RBBP5: variants seen among roughly 807,000 people sequenced by gnomAD.
RBBP5 encodes RB binding protein 5, histone lysine methyltransferase complex subunit.
In RBBP5, 5 loss-of-function variants were observed where a neutral mutation model predicts 72.2. That is an observed-to-expected ratio of 0.07 (90% CI 0.04 to 0.15). RBBP5 has a LOEUF of 0.15. RBBP5 is among the 10% of genes least tolerant of loss of function. RBBP5 has a pLI of 1.00. For missense variants in RBBP5, 322 were observed against 652.2 expected (o/e 0.49, Z 5.51); for synonymous variants, 209 against 237.2 (o/e 0.88, Z 1.09).
Position 205,099,390 on chromosome 1 carries a change from A to C in RBBP5, c.979-284T>G, listed in dbSNP as rs1052220204. Among the ~76,000 whole-genome samples the C allele has an allele frequency of 6.6e-6, 1 of 152,206 alleles. No homozygotes were observed. The highest frequency in any genetic ancestry group is 1.5e-5 in the Non-Finnish European group (1 of 68,042). ...AAATGTTAAATTTTCTTGTAAGTACACTGATTACAAACATAATTTAAAGGT... is the reference window on the plus strand; with the variant it reads ...AAATGTTAAATTTTCTTGTAAGTACCCTGATTACAAACATAATTTAAAGGT... On this transcript the variant is annotated intron_variant, in intron 9 of 13. Transcript: ENST00000264515. This position sits in a 1 kb window ranked among gnomAD's most constrained non-coding sequence, Gnocchi z 4.7.
At chr1:205,092,239 G>T (rs187122540) in intron 13 of RBBP5, among the ~76,000 whole-genome samples, 1 of 152,176 alleles carries the variant, frequency 6.6e-6, no homozygotes, top group African/African-American at 2.4e-5. Flanking sequence ...GGTCAATAAA[G>T]CCAGATGTAA....
In RBBP5 at chr1:205,101,620, A is replaced by T; in HGVS notation, c.612T>A (p.Ile204=). The T allele has an allele frequency of 6.2e-7, 1 of 1,612,064 alleles. No individual in the cohort carries two copies. Among genetic ancestry groups the T allele is most frequent in the Non-Finnish European group, 8.5e-7 (1 of 1,178,986 alleles). ...CTCACCTCCCCTTCCGGGCAAACTC[A>T]ATTGACTTAATGGCTGTGGTATTGC... The part of the protein sequence containing the change: ...GTSNTTAIKS[I]EFARKGSCFL... The change falls in exon 6 of 14, where the codon ATT becomes ATA. Residue 204 remains isoleucine, a synonymous_variant. Coordinates refer to ENST00000264515, the MANE Select transcript of RBBP5 (RefSeq NM_005057.4).
At chr1:205,110,932 C>G (rs1558579858) in intron 3 of RBBP5, among the ~76,000 whole-genome samples, 1 of 152,026 alleles carries the variant, frequency 6.6e-6, no homozygotes, top group Non-Finnish European at 1.5e-5. Context: ...GGCGTGGTGG[C>G]CTGCTTCTGT....
At chr1:205,104,732 T>C (rs1655983921) in intron 4 of RBBP5, among the ~76,000 whole-genome samples, 1 of 151,828 alleles carries the variant, frequency 6.6e-6, no homozygotes, top group Admixed American at 6.6e-5. Flanking sequence ...TCCCAGCTAC[T>C]CGAGAGGCTG....
chr1:205,100,284 T>C lies in RBBP5; in HGVS notation c.633-13A>G, dbSNP rs768895039. The C allele has an allele frequency of 1.9e-6, 3 of 1,612,404 alleles. No individual in the cohort carries two copies. The highest frequency in any genetic ancestry group is 2.5e-6 in the Non-Finnish European group (3 of 1,179,910). The stretch of plus-strand genomic sequence containing the variant: ...AATTAAAAAGCAACTACGGGAAGGA[T>C]AAAAATATCAACACCAGAGGTCAGA... On this transcript the variant is annotated splice_polypyrimidine_tract_variant and intron_variant, in intron 6 of 13. Coordinates refer to ENST00000264515, the MANE Select transcript of RBBP5 (RefSeq NM_005057.4).
Position 205,093,082 on chromosome 1 carries a change from T to A in RBBP5, c.1588+1791A>T, listed in dbSNP as rs185600747. Reference sequence around the variant, plus strand: ...GGCATCAGTGTGTGCAAGAAGTGGGTTTGGAAGGATTGCTCTTATTTACAT... The same window carrying A: ...GGCATCAGTGTGTGCAAGAAGTGGGATTGGAAGGATTGCTCTTATTTACAT... On this transcript the variant is annotated intron_variant, in intron 13 of 13. Transcript: ENST00000264515. Among the ~76,000 whole-genome samples, 62 of 152,158 alleles carry A rather than the reference T, an allele frequency of 4.1e-4. 1 individual carries two copies. Among genetic ancestry groups the A allele is most frequent in the Admixed American group, 3.7e-3 (56 of 15,276 alleles).
At chr1:205,097,013 T>A in intron 11 of RBBP5, 102 bp from the exon 12 acceptor site, 1 of 1,031,078 alleles carries the variant, frequency 9.7e-7, no homozygotes, top group Non-Finnish European at 1.4e-6. Context: ...AAGCAACAGG[T>A]ATGGATCTAG....
intron 3 of RBBP5, among the ~76,000 whole-genome samples, chr1:205,106,817 T>C: frequency 6.6e-6 from 1 of 152,052 alleles, no homozygotes; most frequent in Admixed American, 6.6e-5. Context: ...ATTATGAACA[T>C]GCCTGAAACA....
intron 3 of RBBP5, among the ~76,000 whole-genome samples, chr1:205,108,220 G>A (rs1656161440): frequency 1.3e-5 from 2 of 150,372 alleles, no homozygotes; most frequent in Admixed American, 1.3e-4. Flanking sequence ...TCCAGCCTGG[G>A]TGACAGAGCA....
At chr1:205,096,951 G>A in intron 11 of RBBP5, 40 bp from the exon 12 acceptor site, 1 of 1,517,668 alleles carries the variant, frequency 6.6e-7, no homozygotes, top group East Asian at 2.3e-5. Flanking sequence ...GGAAAAAAGA[G>A]GAGATAGTTG....
At chr1:205,092,300 T>G (rs992335097) in intron 13 of RBBP5, among the ~76,000 whole-genome samples, 1 of 152,216 alleles carries the variant, frequency 6.6e-6, no homozygotes, top group Admixed American at 6.5e-5. Context: ...TTGAGGTTTT[T>G]GGGTTGTTTT....
intron 1 of RBBP5, among the ~76,000 whole-genome samples, chr1:205,120,013 G>A (rs1379965088): frequency 1.3e-5 from 2 of 152,114 alleles, no homozygotes; most frequent in African/African-American, 2.4e-5. Context: ...CTCCAAAGCT[G>A]TCTTTTTCCA....
intron 4 of RBBP5, 50 bp from the exon 5 acceptor site, chr1:205,104,069 G>A (rs1228554838): frequency 6.3e-7 from 1 of 1,576,266 alleles, no homozygotes; most frequent in Non-Finnish European, 8.7e-7. Context: ...GTATCAGCAA[G>A]CTGATTCCCT....
intron 13 of RBBP5, among the ~76,000 whole-genome samples, chr1:205,093,468 AAAAAAAAAAAAATATATATATATAT>A (rs1558570084): frequency 8.5e-5 from 1 of 11,748 alleles, no homozygotes; most frequent in Non-Finnish European, 1.8e-4. Flanking sequence ...CAAAAAAAAA[AAAAAAAAAAAAATATATATATATAT>A]ATATATATAT....
intron 3 of RBBP5, among the ~76,000 whole-genome samples, chr1:205,109,532 T>C (rs61822566): frequency 0.42 from 63,967 of 151,352 alleles, 14,132 homozygotes; most frequent in Non-Finnish European, 0.47. Flanking sequence ...GCTATGATTC[T>C]ATTTTCCCTC....
In RBBP5 at chr1:205,114,009, T is replaced by G. The variant is rs192291649; in HGVS notation, c.218+780A>C. On this transcript the variant is annotated intron_variant, in intron 3 of 13. Transcript: ENST00000264515. ...CCTATTTGAATCTTTATTGCAAGAA[T>G]ACAACAAAAAAGAAACAGAAAGGCG... 9.9e-3 allele frequency among the ~76,000 whole-genome samples: 1,514 copies of G among 152,192 alleles called. 14 individuals carry two copies. The highest frequency in any genetic ancestry group is 0.017 in the Non-Finnish European group (1,183 of 67,992).
At chr1:205,113,199 C>A (rs527293715) in intron 3 of RBBP5, among the ~76,000 whole-genome samples, 1 of 151,990 alleles carries the variant, frequency 6.6e-6, no homozygotes, top group East Asian at 1.9e-4. Context: ...CTAGTTATCT[C>A]TATTTTGTTT....
intron 1 of RBBP5, 54 bp from the exon 2 acceptor site, chr1:205,115,937 A>G: frequency 6.2e-7 from 1 of 1,614,042 alleles, no homozygotes; most frequent in Non-Finnish European, 8.5e-7. Context: ...AGCAAGGATC[A>G]TACAACTCAC....
chr1:205,094,533 C>A (rs1655536575), intron 13 of RBBP5, among the ~76,000 whole-genome samples: 2 of 152,176 alleles, frequency 1.3e-5, no homozygotes, highest in Non-Finnish European at 2.9e-5. Flanking sequence ...ATGAATTAAA[C>A]CAGAGGTTCT....
Sources: gnomAD v4.1 joint callset for allele counts (sites outside exome capture counted in the v4.1 genomes callset) on GRCh38, gnomAD v4.1.1 for gene constraint, Gnocchi (gnomAD v3.1) non-coding constraint, MANE v1.5 for transcripts, NCBI Gene and HGNC (gene_info 2026-07-23, HGNC 2026-07-21) for gene names.